Variants in ERC1 observed in about 807,000 individuals in gnomAD.
ERC1 encodes the protein ELKS/RAB6-interacting/CAST family member 1.
In ERC1, 56 loss-of-function variants were observed where a neutral mutation model predicts 132.0. The ratio of observed to expected loss-of-function variants is 0.42; its 90% CI spans 0.34 to 0.53. ERC1 has a LOEUF of 0.53. Ranked by LOEUF, ERC1 falls within the 20% of genes least tolerant of loss-of-function variation. The pLI, the probability that ERC1 is intolerant of heterozygous loss-of-function variation, is 0.03. For missense variants in ERC1, 1,202 were observed against 1,349.9 expected (o/e 0.89, Z 1.72); for synonymous variants, 478 against 476.1 (o/e 1.00, Z -0.05).
At chr12:1,484,484 T>TC (rs1308019046) in intron 18 of ERC1, among the ~76,000 whole-genome samples, 1 of 152,110 alleles carries the variant, frequency 6.6e-6, no homozygotes, top group Non-Finnish European at 1.5e-5. Context: ...CCTACAATTG[T>TC]CCCACAGGTC....
At chr12:1,143,272 A>G (rs1593664228) in intron 8 of ERC1, among the ~76,000 whole-genome samples, 2 of 150,912 alleles carry the variant, frequency 1.3e-5, no homozygotes, top group African/African-American at 4.9e-5. Flanking sequence ...GCCCTAAGCC[A>G]TCTTCCCATC....
rs77183097 is a variant in ERC1 at position 1,011,343 on chromosome 12, A to T, written c.-156-16405A>T. Among the ~76,000 whole-genome samples, 43 of 152,224 alleles carry T rather than the reference A, an allele frequency of 2.8e-4. 1 individual carries two copies. In the East Asian group the frequency reaches 8.3e-3, roughly 29 times the overall value. ...CCTCAGCTCCCAAGTAGCTGGGACTACAGGCATGCACCACCATGCCCGGCT... is the reference window on the plus strand; with the variant it reads ...CCTCAGCTCCCAAGTAGCTGGGACTTCAGGCATGCACCACCATGCCCGGCT... On this transcript the variant is annotated intron_variant, in intron 1 of 18. Coordinates refer to ENST00000360905, the MANE Select transcript of ERC1 (RefSeq NM_178040.4).
intron 1 of ERC1, among the ~76,000 whole-genome samples, chr12:1,007,181 A>G (rs1055900993): frequency 1.3e-5 from 2 of 152,166 alleles, no homozygotes; most frequent in East Asian, 1.9e-4. Context: ...GGAGTGGCCA[A>G]AGAGGCTTGA....
At chr12:1,308,990 C>A (rs1333337296) in intron 15 of ERC1, among the ~76,000 whole-genome samples, 4 of 152,174 alleles carry the variant, frequency 2.6e-5, no homozygotes, top group Admixed American at 2.0e-4. Flanking sequence ...CTCATTTGCC[C>A]CTTCCACTGT....
chr12:1,254,037 TATGTGA>T, intron 13 of ERC1, among the ~76,000 whole-genome samples: 1 of 152,172 alleles, frequency 6.6e-6, no homozygotes, highest in African/African-American at 2.4e-5. Context: ...TTTCAGCAAA[TATGTGA>T]GGCTGGCAAA....
At chr12:1,301,559 G>A (rs926184727) in intron 15 of ERC1, among the ~76,000 whole-genome samples, 7 of 152,048 alleles carry the variant, frequency 4.6e-5, no homozygotes, top group African/African-American at 1.2e-4. Flanking sequence ...GCAAACTAAC[G>A]CAGGAACAGA....
chr12:1,163,681 A>G (rs1288310962), intron 8 of ERC1, among the ~76,000 whole-genome samples: 1 of 152,012 alleles, frequency 6.6e-6, no homozygotes, highest in African/African-American at 2.4e-5. Context: ...TTTGCTCCTT[A>G]GCCTCTGTCT....
At chr12:1,244,580 G>C in intron 13 of ERC1, 1 of 451,540 alleles carries the variant, frequency 2.2e-6, no homozygotes, top group East Asian at 7.0e-5. Flanking sequence ...GGAGTGCAGT[G>C]GTGTGATCTC....
At chr12:1,205,483 G>A (rs1957278736) in intron 12 of ERC1, among the ~76,000 whole-genome samples, 1 of 151,476 alleles carries the variant, frequency 6.6e-6, no homozygotes, top group South Asian at 2.1e-4. Context: ...GCTAGCATAT[G>A]GGTTACACTG....
chr12:1,010,756 G>A (rs1393843808), intron 1 of ERC1, among the ~76,000 whole-genome samples: 1 of 151,824 alleles, frequency 6.6e-6, no homozygotes, highest in African/African-American at 2.4e-5. Context: ...CAGGTGATCC[G>A]TCCTTCTTGG....
chr12:1,167,916 A>T (rs1181456512), intron 8 of ERC1, among the ~76,000 whole-genome samples: 1 of 151,846 alleles, frequency 6.6e-6, no homozygotes, highest in African/African-American at 2.4e-5. Flanking sequence ...GGGTTTCAGC[A>T]TGTTGGCCAG....
intron 16 of ERC1, among the ~76,000 whole-genome samples, chr12:1,401,801 TAATC>T (rs1028633586): frequency 1.3e-5 from 2 of 149,270 alleles, no homozygotes; most frequent in African/African-American, 4.9e-5. Flanking sequence ...ATTTACCAAA[TAATC>T]AATAAATCTA....
intron 18 of ERC1, among the ~76,000 whole-genome samples, chr12:1,469,391 G>C (rs1263949054): frequency 6.6e-6 from 1 of 152,228 alleles, no homozygotes; most frequent in Non-Finnish European, 1.5e-5. Context: ...CATGCCTTTG[G>C]TCTGTGTGGA....
intron 3 of ERC1, among the ~76,000 whole-genome samples, chr12:1,095,999 C>T (rs1943979007): frequency 6.7e-6 from 1 of 149,868 alleles, no homozygotes; most frequent in Admixed American, 6.7e-5. Flanking sequence ...GATCTTGGCT[C>T]ATTGCGGCCT....
Position 1,245,121 on chromosome 12 carries a change from G to A in ERC1, c.2487+8217G>A, listed in dbSNP as rs1043895700. ...CTGAAAAATAAAATACATTTTTAAA[G>A]TATGCACATGCACATGTAGATGTGC... On this transcript the variant is annotated intron_variant, in intron 13 of 18. Transcript: ENST00000360905. Among the ~76,000 whole-genome samples, 3 of 152,232 alleles carry A rather than the reference G, an allele frequency of 2.0e-5. No individual in the cohort carries two copies. The South Asian group carries it at 6.2e-4, about 32-fold the overall frequency.
At chr12:1,108,019 T>A (rs985919634) in intron 4 of ERC1, among the ~76,000 whole-genome samples, 1 of 152,278 alleles carries the variant, frequency 6.6e-6, no homozygotes, top group Non-Finnish European at 1.5e-5. Context: ...TATTACACAT[T>A]CTAGGAATAA....
chr12:1,467,882 C>T (rs754599453), intron 18 of ERC1, among the ~76,000 whole-genome samples: 1 of 152,188 alleles, frequency 6.6e-6, no homozygotes, highest in Admixed American at 6.5e-5. Flanking sequence ...GGTTTGCGCT[C>T]ATATGAGAAT....
intron 18 of ERC1, among the ~76,000 whole-genome samples, chr12:1,455,697 A>C (rs985136099): frequency 3.3e-5 from 5 of 152,220 alleles, no homozygotes; most frequent in African/African-American, 1.2e-4. Flanking sequence ...AAATTGTGAG[A>C]AAACTTCAAT....
At chr12:1,029,081 G>A (rs1327514616) in intron 2 of ERC1, among the ~76,000 whole-genome samples, 2 of 152,188 alleles carry the variant, frequency 1.3e-5, no homozygotes, top group Non-Finnish European at 1.5e-5. Flanking sequence ...TTGGCCGGGT[G>A]CAATGGCTCA....
Sources: gnomAD v4.1 joint callset for allele counts (sites outside exome capture counted in the v4.1 genomes callset) on GRCh38, gnomAD v4.1.1 for gene constraint, MANE v1.5 for transcripts, NCBI Gene and HGNC (gene_info 2026-07-23, HGNC 2026-07-21) for gene names.